Variants in F13A1 observed in about 807,000 individuals in gnomAD.
F13A1 encodes the protein coagulation factor XIII A chain, also known as FSF, A subunit.
In F13A1, 47 loss-of-function variants were observed where a neutral mutation model predicts 80.1. That is an observed-to-expected ratio of 0.59 (90% CI 0.46 to 0.75). The LOEUF is 0.75. F13A1 is among the 30% of genes least tolerant of loss of function. The pLI, the probability that F13A1 is intolerant of heterozygous loss-of-function variation, is 0.00. For synonymous variants in F13A1, 349 were observed against 344.9 expected (o/e 1.01, Z -0.13); for missense variants, 817 against 930.4 (o/e 0.88, Z 1.59).
chr6:6,284,631 C>T (rs1228363664), intron 3 of F13A1, among the ~76,000 whole-genome samples: 1 of 152,190 alleles, frequency 6.6e-6, no homozygotes, highest in East Asian at 1.9e-4. Flanking sequence ...AGCCTTGAAA[C>T]TGAGTGGTGT....
rs78011293 is a variant in F13A1 at position 6,293,543 on chromosome 6, G to A, written c.319+11808C>T. ...CCTCCCACCTAACACAGAGATAGCT[G>A]TGCTCTGCCAGCAACTCATGAACGC... On this transcript the variant is annotated intron_variant, in intron 3 of 14. Transcript: ENST00000264870. Among the ~76,000 whole-genome samples, 1,031 of 151,886 alleles carry A rather than the reference G, an allele frequency of 6.8e-3. 11 individuals are homozygous for A. The highest frequency in any genetic ancestry group is 0.034 in the South Asian group (165 of 4,790).
intron 2 of F13A1, among the ~76,000 whole-genome samples, chr6:6,312,461 A>G (rs77088045): frequency 0.63 from 50,309 of 80,188 alleles, 17,152 homozygotes; most frequent in East Asian, 0.81. Flanking sequence ...CACGAGGTCA[A>G]GAGATGGAGA....
At chr6:6,187,220 T>C (rs1175474279) in intron 10 of F13A1, among the ~76,000 whole-genome samples, 5 of 127,804 alleles carry the variant, frequency 3.9e-5, no homozygotes, top group African/African-American at 1.6e-4. Context: ...CTTTATTTCC[T>C]TCTGCCTAAT....
chr6:6,256,988 A>G (rs1353020677), intron 4 of F13A1, among the ~76,000 whole-genome samples: 1 of 152,192 alleles, frequency 6.6e-6, no homozygotes, highest in Admixed American at 6.5e-5. Flanking sequence ...CTAATCCTTT[A>G]GAAGGAATAA....
At chr6:6,240,638 A>G (rs1757472473) in intron 6 of F13A1, among the ~76,000 whole-genome samples, 1 of 152,192 alleles carries the variant, frequency 6.6e-6, no homozygotes, top group Non-Finnish European at 1.5e-5. Context: ...GATTTATGCA[A>G]TTTCTCAAAA....
At chr6:6,285,675 G>A (rs937524103) in intron 3 of F13A1, among the ~76,000 whole-genome samples, 2 of 152,186 alleles carry the variant, frequency 1.3e-5, no homozygotes, top group African/African-American at 4.8e-5. Context: ...GGGGAGGAGA[G>A]GGCTTCCCCC....
At chr6:6,172,246 G>A (rs1426930507) in intron 12 of F13A1, among the ~76,000 whole-genome samples, 3 of 152,122 alleles carry the variant, frequency 2.0e-5, no homozygotes, top group Non-Finnish European at 4.4e-5. Flanking sequence ...CAGCTGGTAG[G>A]TGACACAGTC....
At chr6:6,275,361 T>A (rs201309793) in intron 3 of F13A1, among the ~76,000 whole-genome samples, 25 of 13,416 alleles carry the variant, frequency 1.9e-3, no homozygotes, top group African/African-American at 0.014. Flanking sequence ...ATTTTTTTTA[T>A]TTTTTTTGTT....
rs1233787620 is a variant in F13A1 at position 6,195,870 on chromosome 6, C to G, written c.1232G>C (p.Gly411Ala). ...CTTGATGGCTTGAACCGAGGCGGGG[C>G]CACACCGATACATGCCTGCATTGCA... ...QENSDGMYRC[G>A]PASVQAIKHG... Residue 411 changes from glycine to alanine, a missense_variant, in exon 10 of 15, where the codon GGC (glycine) becomes GCC (alanine). Transcript: ENST00000264870. The G allele has an allele frequency of 6.2e-7, 1 of 1,614,076 alleles. No homozygotes were observed. Among genetic ancestry groups the G allele is most frequent in the Admixed American group, 1.7e-5 (1 of 60,020 alleles).
intron 3 of F13A1, among the ~76,000 whole-genome samples, chr6:6,294,167 T>A (rs1459872584): frequency 6.6e-6 from 1 of 152,180 alleles, no homozygotes; most frequent in Non-Finnish European, 1.5e-5. Context: ...CTTGATTGGA[T>A]GGAAGGATAC....
In F13A1 at chr6:6,316,077, GCATATATA is replaced by G. The variant is rs1478478028; in HGVS notation, c.130+2450_130+2457del. ...GGTTTGTGTGCTGCTATGTGTGTGT[GCATATATA>G]TATATATATATATATATATATATAT... On this transcript the variant is annotated intron_variant, in intron 2 of 14. Coordinates refer to ENST00000264870, the MANE Select transcript of F13A1 (RefSeq NM_000129.4). Among the ~76,000 whole-genome samples the G allele has an allele frequency of 7.5e-4, 37 of 49,648 alleles. 1 individual carries two copies. Among genetic ancestry groups the G allele is most frequent in the Admixed American group, 1.8e-3 (6 of 3,384 alleles). 32.6% of individuals were successfully genotyped at this position (49,648 alleles called of 152,430 possible).
chr6:6,224,563 G>T, intron 7 of F13A1, 123 bp downstream of exon 7: 1 of 856,960 alleles, frequency 1.2e-6, no homozygotes, highest in Non-Finnish European at 1.9e-6. Flanking sequence ...TCCCAGAATG[G>T]CTCACCCATA....
intron 2 of F13A1, among the ~76,000 whole-genome samples, chr6:6,316,303 C>A (rs988948268): frequency 1.3e-5 from 2 of 150,800 alleles, no homozygotes; most frequent in African/African-American, 4.9e-5. Context: ...AATTATAATG[C>A]CACTAGAGCT....
intron 6 of F13A1, among the ~76,000 whole-genome samples, chr6:6,245,655 A>G (rs1757545321): frequency 1.3e-5 from 2 of 152,106 alleles, no homozygotes; most frequent in South Asian, 4.2e-4. Flanking sequence ...GGACCACAGT[A>G]AGCAAATTTG....
chr6:6,307,371 T>G (rs1240009653), intron 2 of F13A1, among the ~76,000 whole-genome samples: 2 of 152,208 alleles, frequency 1.3e-5, no homozygotes, highest in African/African-American at 4.8e-5. Flanking sequence ...TAAAGATGTT[T>G]AATTCTCTAG....
chr6:6,173,632 T>A (rs1258332233), intron 12 of F13A1, among the ~76,000 whole-genome samples: 1 of 152,148 alleles, frequency 6.6e-6, no homozygotes. Context: ...GGTCTCGAAC[T>A]CCTAACCTCA....
chr6:6,247,300 C>A (rs749870679), intron 6 of F13A1, among the ~76,000 whole-genome samples: 14 of 152,120 alleles, frequency 9.2e-5, no homozygotes, highest in Non-Finnish European at 2.1e-4. Flanking sequence ...AAACCAAACT[C>A]AAACATAACA....
At chr6:6,308,674 G>A (rs544814217) in intron 2 of F13A1, among the ~76,000 whole-genome samples, 1 of 135,580 alleles carries the variant, frequency 7.4e-6, no homozygotes, top group East Asian at 2.2e-4. Flanking sequence ...GTTCAGTGGT[G>A]CAATTTCAGC....
intron 3 of F13A1, among the ~76,000 whole-genome samples, chr6:6,283,992 T>C (rs1018649001): frequency 6.6e-6 from 1 of 152,196 alleles, no homozygotes; most frequent in Non-Finnish European, 1.5e-5. Context: ...ACTTAGTGAA[T>C]CACTGAAGCA....
Sources: allele counts gnomAD v4.1 joint callset (sites outside exome capture counted in the v4.1 genomes callset), GRCh38; gene constraint gnomAD v4.1.1; transcripts MANE v1.5; gene names NCBI Gene and HGNC (gene_info 2026-07-23, HGNC 2026-07-21).